The following ARL6 variants were observed in gnomAD, a reference collection of about 807,000 sequenced individuals.
ARL6 encodes ARF like GTPase 6.
ARL6 carries 18 observed loss-of-function variants against 27.1 expected under a neutral mutation model. The ratio of observed to expected loss-of-function variants is 0.66; its 90% CI spans 0.46 to 0.98. ARL6 has a LOEUF of 0.98. Among genes scored for constraint, ARL6 ranks in the 50% least tolerant of loss-of-function variants. ARL6 has a pLI of 0.00. For missense variants in ARL6, 187 were observed against 214.9 expected, an observed-to-expected ratio of 0.87 and a Z score of 0.81; for synonymous variants, 65 against 72.3, an observed-to-expected ratio of 0.90 and a Z score of 0.51.
At chr3:97,783,647 GTGAT>G (rs1270157079) in intron 4 of ARL6, among the ~76,000 whole-genome samples, 1 of 151,650 alleles carries the variant, frequency 6.6e-6, no homozygotes, top group Non-Finnish European at 1.5e-5. Flanking sequence ...ATGTATGTCT[GTGAT>G]AATCAGCATT....
At chr3:97,774,770 C>T (rs1219772629) in intron 2 of ARL6, among the ~76,000 whole-genome samples, 1 of 152,122 alleles carries the variant, frequency 6.6e-6, no homozygotes, top group Non-Finnish European at 1.5e-5. Context: ...AGCTCTTTCT[C>T]TACAGGAGAT....
intron 2 of ARL6, among the ~76,000 whole-genome samples, chr3:97,776,533 T>G (rs1158021910): frequency 6.6e-6 from 1 of 152,204 alleles, no homozygotes; most frequent in Non-Finnish European, 1.5e-5. Context: ...TCTTAAGGGA[T>G]ATTACTTGTG....
At chr3:97,791,749 T>A in intron 6 of ARL6, 22 bp from the exon 7 acceptor site, 1 of 1,611,706 alleles carries the variant, frequency 6.2e-7, no homozygotes, top group Non-Finnish European at 8.5e-7. Flanking sequence ...GATGGCTATG[T>A]TTCTTATGGA....
At chr3:97,769,375 C>T (rs921619160) in intron 2 of ARL6, among the ~76,000 whole-genome samples, 19 of 152,002 alleles carry the variant, frequency 1.2e-4, no homozygotes, top group African/African-American at 4.6e-4. Context: ...AATCTTTATT[C>T]CACTACCAAT....
At chr3:97,785,149 T>A in intron 5 of ARL6, 100 bp downstream of exon 5, 1 of 882,458 alleles carries the variant, frequency 1.1e-6, no homozygotes, top group Admixed American at 2.1e-5. Context: ...TTATCTTTCA[T>A]TTAAAATTTT....
At chr3:97,785,276 CATTT>C (rs934280264) in intron 5 of ARL6, among the ~76,000 whole-genome samples, 17 of 143,950 alleles carry the variant, frequency 1.2e-4, no homozygotes, top group African/African-American at 3.9e-4. Flanking sequence ...GGGTGTCTAA[CATTT>C]ATTTCCTCAA....
intron 2 of ARL6, among the ~76,000 whole-genome samples, chr3:97,768,474 GTTTAC>G (rs1332033968): frequency 6.6e-6 from 1 of 151,960 alleles, no homozygotes; most frequent in African/African-American, 2.4e-5. Flanking sequence ...GATTTACTGA[GTTTAC>G]TTTAAATGTC....
At chr3:97,796,589 G>A (rs1349910051) in intron 7 of ARL6, among the ~76,000 whole-genome samples, 2 of 152,080 alleles carry the variant, frequency 1.3e-5, no homozygotes, top group Non-Finnish European at 2.9e-5. Context: ...AAATTGATGA[G>A]TTTTCAGTTG....
chr3:97,770,788 A>G (rs187200276), intron 2 of ARL6, among the ~76,000 whole-genome samples: 9 of 152,000 alleles, frequency 5.9e-5, no homozygotes, highest in African/African-American at 1.4e-4. Context: ...CCTTTTCCCA[A>G]TGTATGTTCT....
At chr3:97,765,833 G>T (rs1011722375) in intron 1 of ARL6, among the ~76,000 whole-genome samples, 3 of 152,206 alleles carry the variant, frequency 2.0e-5, no homozygotes, top group Non-Finnish European at 4.4e-5. Context: ...CTTAAGACAC[G>T]ATTAACAAAT....
intron 5 of ARL6, 142 bp from the exon 6 acceptor site, chr3:97,787,848 G>A: frequency 3.7e-6 from 3 of 812,654 alleles, no homozygotes; most frequent in Non-Finnish European, 6.0e-6. Context: ...CAGTGTGACA[G>A]TATGTGTCTT....
chr3:97,777,725 T>C (rs1690139977), intron 2 of ARL6, among the ~76,000 whole-genome samples: 1 of 152,208 alleles, frequency 6.6e-6, no homozygotes, highest in African/African-American at 2.4e-5. Context: ...GAGATTGATA[T>C]TGTAAACTAT....
intron 5 of ARL6, among the ~76,000 whole-genome samples, chr3:97,786,718 A>G (rs762930685): frequency 1.3e-5 from 2 of 152,246 alleles, no homozygotes; most frequent in Non-Finnish European, 2.9e-5. Flanking sequence ...TATCATAGCT[A>G]CAGGGATATT....
chr3:97,790,250 G>A (rs1316192590), intron 6 of ARL6, among the ~76,000 whole-genome samples: 4 of 152,124 alleles, frequency 2.6e-5, no homozygotes, highest in Non-Finnish European at 5.9e-5. Context: ...CCTAATTGAA[G>A]TTAGAGAGCA....
chr3:97,775,829 G>C (rs2036871927), intron 2 of ARL6, among the ~76,000 whole-genome samples: 1 of 152,126 alleles, frequency 6.6e-6, no homozygotes, highest in Admixed American at 6.5e-5. Flanking sequence ...TTTAAAATTT[G>C]TTGAGATTTG....
chr3:97,766,094 T>G (rs2036365838), intron 1 of ARL6: 1 of 152,186 alleles, frequency 6.6e-6, no homozygotes. Flanking sequence ...TACAAGGTAC[T>G]GTGAAAAACG....
chr3:97,772,445 A>G (rs1366377265), intron 2 of ARL6, among the ~76,000 whole-genome samples: 1 of 151,038 alleles, frequency 6.6e-6, no homozygotes, highest in Non-Finnish European at 1.5e-5. Context: ...TCTCAATTTT[A>G]TAATTTCAAA....
At chr3:97,770,313 T>C (rs544129959) in intron 2 of ARL6, among the ~76,000 whole-genome samples, 1 of 152,128 alleles carries the variant, frequency 6.6e-6, no homozygotes, top group Non-Finnish European at 1.5e-5. Flanking sequence ...ATATGCCTGT[T>C]GGCCATTTGT....
chr3:97,791,131 T>C (rs2037714246), intron 6 of ARL6: 1 of 152,190 alleles, frequency 6.6e-6, no homozygotes, highest in Non-Finnish European at 1.5e-5. Flanking sequence ...CACCCTGTTT[T>C]AGGTGTTTTA....
Sources: gnomAD v4.1 joint callset for allele counts (sites outside exome capture counted in the v4.1 genomes callset) on GRCh38, gnomAD v4.1.1 for gene constraint, MANE v1.5 for transcripts, NCBI Gene and HGNC (gene_info 2026-07-23, HGNC 2026-07-21) for gene names.